The following PHF14 variants were observed in gnomAD, a reference collection of about 807,000 sequenced individuals.
PHF14 encodes PHD finger protein 14.
PHF14 carries 55 observed loss-of-function variants against 117.9 expected under a neutral mutation model. The observed-to-expected ratio is 0.47, with a 90% CI of 0.38 to 0.58. The LOEUF is 0.58. Ranked by LOEUF, PHF14 falls within the 20% of genes least tolerant of loss-of-function variation. The pLI is 0.00. For missense variants in PHF14, 978 were observed against 1,122.2 expected (o/e 0.87, Z 1.84); for synonymous variants, 409 against 368.6 (o/e 1.11, Z -1.26).
At chr7:11,049,795 A>G (rs975261194) in intron 13 of PHF14, among the ~76,000 whole-genome samples, 10 of 152,296 alleles carry the variant, frequency 6.6e-5, no homozygotes, top group Admixed American at 3.9e-4. Flanking sequence ...TGATGTTTTC[A>G]TATGGGACAA....
At chr7:11,031,659 T>G (rs1479114234) in intron 7 of PHF14, among the ~76,000 whole-genome samples, 1 of 150,436 alleles carries the variant, frequency 6.6e-6, no homozygotes, top group Admixed American at 6.6e-5. Context: ...GAGGCCGAGG[T>G]GAGAGGATCA....
chr7:10,990,895 T>A, intron 4 of PHF14, 48 bp downstream of exon 4: 1 of 1,400,880 alleles, frequency 7.1e-7, no homozygotes, highest in East Asian at 2.5e-5. Context: ...TGACTGTGGC[T>A]CTTTTACATT....
chr7:11,043,284 G>A (rs1343126803), intron 13 of PHF14, among the ~76,000 whole-genome samples: 2 of 149,782 alleles, frequency 1.3e-5, no homozygotes, highest in Non-Finnish European at 3.0e-5. Flanking sequence ...AAACATTTCT[G>A]ATTTTTTTTT....
intron 17 of PHF14, among the ~76,000 whole-genome samples, chr7:11,117,185 A>T (rs913448674): frequency 6.6e-6 from 1 of 151,932 alleles, no homozygotes; most frequent in Non-Finnish European, 1.5e-5. Flanking sequence ...TGACTATGTC[A>T]GTTACTATTG....
At chr7:11,087,820 T>A (rs1177462239) in intron 16 of PHF14, among the ~76,000 whole-genome samples, 1 of 152,142 alleles carries the variant, frequency 6.6e-6, no homozygotes, top group Non-Finnish European at 1.5e-5. Context: ...CATTTTGAAA[T>A]ATGCAATAAG....
At chr7:11,163,552 A>G (rs965059397) in intron 17 of PHF14, among the ~76,000 whole-genome samples, 4 of 152,200 alleles carry the variant, frequency 2.6e-5, no homozygotes, top group Non-Finnish European at 5.9e-5. Context: ...CATATCACAC[A>G]CATTTCGCAC....
chr7:11,146,061 A>AT (rs1788542665), intron 17 of PHF14, among the ~76,000 whole-genome samples: 1 of 152,098 alleles, frequency 6.6e-6, no homozygotes, highest in Admixed American at 6.5e-5. Context: ...AAGACATTCT[A>AT]TTTTTTGACA....
chr7:11,074,363 A>T (rs943815390), intron 16 of PHF14, among the ~76,000 whole-genome samples: 5 of 151,822 alleles, frequency 3.3e-5, no homozygotes, highest in Admixed American at 2.0e-4. Flanking sequence ...GGCGCCTGCC[A>T]CCACGCCCAG....
intron 4 of PHF14, among the ~76,000 whole-genome samples, chr7:10,991,475 A>G (rs1023359151): frequency 1.9e-4 from 29 of 151,734 alleles, no homozygotes; most frequent in Admixed American, 1.6e-3. Flanking sequence ...GCGCCCGGCC[A>G]ATTTTTGTGT....
At chr7:10,988,151 G>A (rs1337146578) in intron 3 of PHF14, among the ~76,000 whole-genome samples, 1 of 151,828 alleles carries the variant, frequency 6.6e-6, no homozygotes, top group African/African-American at 2.4e-5. Flanking sequence ...TTTATCTCTA[G>A]TTTTCCCTAT....
At chr7:11,113,187 AT>A (rs1417474508) in intron 17 of PHF14, among the ~76,000 whole-genome samples, 1 of 152,102 alleles carries the variant, frequency 6.6e-6, no homozygotes, top group Non-Finnish European at 1.5e-5. Context: ...AGAAGGCTCA[AT>A]AATACTATAA....
chr7:11,051,813 A>G (rs1252949842), intron 14 of PHF14, 33 bp downstream of exon 14: 7 of 1,592,908 alleles, frequency 4.4e-6, no homozygotes, highest in Non-Finnish European at 6.0e-6. Context: ...TAAGCATCAT[A>G]CAATTCTGAG....
At chr7:11,080,882 A>C (rs941045910) in intron 16 of PHF14, among the ~76,000 whole-genome samples, 2 of 152,160 alleles carry the variant, frequency 1.3e-5, no homozygotes, top group African/African-American at 4.8e-5. Flanking sequence ...CCATGTGTTA[A>C]TTGCGCTACA....
intron 17 of PHF14, among the ~76,000 whole-genome samples, chr7:11,127,510 C>T (rs1015981005): frequency 2.0e-5 from 3 of 152,078 alleles, no homozygotes; most frequent in Admixed American, 6.6e-5. Flanking sequence ...CAGCCATTCC[C>T]ACTGCAGCCA....
At chr7:10,993,248 C>T (rs1193704833) in intron 4 of PHF14, among the ~76,000 whole-genome samples, 3 of 151,974 alleles carry the variant, frequency 2.0e-5, no homozygotes, top group Non-Finnish European at 4.4e-5. Flanking sequence ...TTAATCAGGG[C>T]TGTGACTACC....
intron 17 of PHF14, among the ~76,000 whole-genome samples, chr7:11,148,830 G>A (rs1583502884): frequency 6.6e-6 from 1 of 152,084 alleles, no homozygotes; most frequent in East Asian, 1.9e-4. Context: ...TTCACCAACT[G>A]TGCATCTGAG....
intron 6 of PHF14, among the ~76,000 whole-genome samples, chr7:11,025,460 G>T (rs1783874149): frequency 6.6e-6 from 1 of 152,152 alleles, no homozygotes; most frequent in Admixed American, 6.5e-5. Flanking sequence ...TTTCATAAAA[G>T]GAAGGATGAA....
intron 16 of PHF14, among the ~76,000 whole-genome samples, chr7:11,088,609 A>T (rs1786514007): frequency 6.6e-6 from 1 of 152,038 alleles, no homozygotes; most frequent in Non-Finnish European, 1.5e-5. Context: ...TGGTTTTGTT[A>T]GTCATGAAAT....
At chr7:11,122,352 T>TATATATATACACACAC in intron 17 of PHF14, among the ~76,000 whole-genome samples, 3 of 65,856 alleles carry the variant, frequency 4.6e-5, no homozygotes, top group Non-Finnish European at 8.4e-5. Context: ...TATATATATA[T>TATATATATACACACAC]ACACACACAC....
Sources: allele counts gnomAD v4.1 joint callset (sites outside exome capture counted in the v4.1 genomes callset), GRCh38; gene constraint gnomAD v4.1.1; transcripts MANE v1.5; gene names NCBI Gene and HGNC (gene_info 2026-07-23, HGNC 2026-07-21).